Variants in RALGAPA1 observed in about 807,000 individuals in gnomAD.
RALGAPA1 encodes ral GTPase-activating protein subunit alpha-1.
A neutral mutation model predicts 269.6 loss-of-function variants in RALGAPA1; 52 were observed. The ratio of observed to expected loss-of-function variants is 0.19; its 90% CI spans 0.15 to 0.24. RALGAPA1 has a LOEUF of 0.24. RALGAPA1 is among the 10% of genes least tolerant of loss of function. The probability of loss-of-function intolerance (pLI) is 1.00; values close to 1 mark genes in which losing one functional copy is unlikely to be tolerated. For missense variants in RALGAPA1, 1,917 were observed against 3,013.9 expected, an observed-to-expected ratio of 0.64 and a Z score of 8.52; for synonymous variants, 817 against 1,008.3, an observed-to-expected ratio of 0.81 and a Z score of 3.60.
chr14:35,587,723 T>C (rs1199013371), intron 37 of RALGAPA1, among the ~76,000 whole-genome samples: 1 of 84,924 alleles, frequency 1.2e-5, no homozygotes, highest in South Asian at 3.5e-4. Context: ...TGTCGTGGGG[T>C]GGGGGGAAGG....
chr14:35,745,457 A>G (rs2071976020), intron 10 of RALGAPA1, among the ~76,000 whole-genome samples: 1 of 151,122 alleles, frequency 6.6e-6, no homozygotes, highest in Non-Finnish European at 1.5e-5. Flanking sequence ...ACACAGTATT[A>G]TCCAGCCTTT....
chr14:35,674,379 A>G, intron 23 of RALGAPA1, 101 bp from the exon 24 acceptor site: 2 of 1,250,800 alleles, frequency 1.6e-6, no homozygotes, highest in Non-Finnish European at 2.2e-6. Flanking sequence ...CTTACTATTT[A>G]ATTACAATTA....
intron 22 of RALGAPA1, chr14:35,676,915 T>G (rs945403404): frequency 6.6e-6 from 1 of 152,210 alleles, no homozygotes; most frequent in African/African-American, 2.4e-5. Flanking sequence ...ACTGAAGTTT[T>G]TTTCCAAATG....
chr14:35,622,431 T>A (rs1166540729), intron 35 of RALGAPA1, among the ~76,000 whole-genome samples: 2 of 152,186 alleles, frequency 1.3e-5, no homozygotes, highest in Non-Finnish European at 2.9e-5. Flanking sequence ...AGTTGATGGG[T>A]GCAGAAAACC....
At chr14:35,624,154 C>T (rs1348432078) in intron 35 of RALGAPA1, among the ~76,000 whole-genome samples, 4 of 50,526 alleles carry the variant, frequency 7.9e-5, no homozygotes, top group Admixed American at 4.8e-4. Flanking sequence ...TATAATACAA[C>T]GCAAAAAAAA....
At chr14:35,748,066 T>C (rs2072291490) in intron 10 of RALGAPA1, among the ~76,000 whole-genome samples, 1 of 152,066 alleles carries the variant, frequency 6.6e-6, no homozygotes, top group Non-Finnish European at 1.5e-5. Context: ...AATTTTACCA[T>C]AGTTTATTAA....
In RALGAPA1 at chr14:35,634,659, A is replaced by G. The variant is rs1172639113; in HGVS notation, c.5910T>C (p.Phe1970=). The change falls in exon 33 of 42, where the codon TTT becomes TTC. Residue 1970 remains phenylalanine (F), a synonymous_variant. Coordinates refer to ENST00000680220, the MANE Select transcript of RALGAPA1 (RefSeq NM_001346249.2). Reference sequence around the variant, plus strand: ...GCTCTTTCAGACTTTCCAAATGCATAAAAGGATCATAATCTACAGATGCCA... The same window carrying G: ...GCTCTTTCAGACTTTCCAAATGCATGAAAGGATCATAATCTACAGATGCCA... ...SDLASVDYDP[F]MHLESLKEPE... 1 of 1,613,656 alleles carries G rather than the reference A, an allele frequency of 6.2e-7. No homozygotes were observed. Among genetic ancestry groups the G allele is most frequent in the East Asian group, 2.2e-5 (1 of 44,872 alleles).
At chr14:35,788,762 T>G (rs1453524261) in intron 1 of RALGAPA1, among the ~76,000 whole-genome samples, 4 of 152,236 alleles carry the variant, frequency 2.6e-5, no homozygotes. Flanking sequence ...ATATTTTTGT[T>G]TGTTTTTCTC....
chr14:35,577,361 G>A (rs1184733564), intron 37 of RALGAPA1, among the ~76,000 whole-genome samples: 1 of 151,776 alleles, frequency 6.6e-6, no homozygotes, highest in African/African-American at 2.4e-5. Context: ...TATGTTATGC[G>A]GGCTCCTTTA....
chr14:35,664,506 T>C, intron 27 of RALGAPA1, 136 bp downstream of exon 27: 1 of 688,326 alleles, frequency 1.5e-6, no homozygotes, highest in South Asian at 2.6e-5. Context: ...CAAGCCTTTG[T>C]GTCTGGAGGA....
chr14:35,738,590 A>G lies in RALGAPA1; in HGVS notation c.1510T>C (p.Tyr504His), dbSNP rs1417928219. 3 of 1,613,538 alleles carry G rather than the reference A, an allele frequency of 1.9e-6. No individual in the cohort carries two copies. Among genetic ancestry groups the G allele is most frequent in the African/African-American group, 1.3e-5 (1 of 74,916 alleles). The change falls in exon 12 of 42, where the codon TAC becomes CAC. Residue 504 changes from tyrosine (Y) to histidine (H), a missense_variant. Around this residue, in one of 11 missense-constraint regions of RALGAPA1, gnomAD observed 462 missense variants for 725.6 expected, o/e 0.64. Coordinates refer to ENST00000680220, the MANE Select transcript of RALGAPA1 (RefSeq NM_001346249.2). ...GAGGCGTTATGAAGAGCACCTTGGT[A>G]GGAGCCGTTTTTTGCCCAACTGGAA... is the stretch of plus-strand genomic sequence containing the variant. ...RNSSWAKNGS[Y>H]QGALHNASEE...
intron 31 of RALGAPA1, among the ~76,000 whole-genome samples, chr14:35,644,875 T>C (rs559426990): frequency 2.0e-5 from 3 of 152,282 alleles, no homozygotes; most frequent in South Asian, 2.1e-4. Context: ...GTAACAAACC[T>C]GCACATTCTG....
intron 2 of RALGAPA1, 27 bp downstream of exon 2, chr14:35,775,608 A>G: frequency 1.3e-6 from 2 of 1,549,936 alleles, no homozygotes; most frequent in South Asian, 2.5e-5. Flanking sequence ...ATATTAACAT[A>G]CGCCAAGATA....
intron 35 of RALGAPA1, among the ~76,000 whole-genome samples, chr14:35,615,641 T>C (rs1327051055): frequency 6.6e-6 from 1 of 152,112 alleles, no homozygotes; most frequent in Non-Finnish European, 1.5e-5. Context: ...TATAAAAAAA[T>C]GTATGCTGAC....
At chr14:35,643,042 T>C (rs1244231399) in intron 31 of RALGAPA1, among the ~76,000 whole-genome samples, 1 of 152,138 alleles carries the variant, frequency 6.6e-6, no homozygotes, top group African/African-American at 2.4e-5. Flanking sequence ...GGGACATGGA[T>C]AAAGCTGGAA....
intron 9 of RALGAPA1, among the ~76,000 whole-genome samples, chr14:35,750,127 G>T (rs1027581649): frequency 1.3e-5 from 2 of 152,068 alleles, no homozygotes; most frequent in South Asian, 4.1e-4. Flanking sequence ...TGCATTTTGT[G>T]AATGCCCCCA....
chr14:35,652,862 T>C (rs1270110799), intron 30 of RALGAPA1, among the ~76,000 whole-genome samples: 3 of 152,256 alleles, frequency 2.0e-5, no homozygotes, highest in Non-Finnish European at 2.9e-5. Flanking sequence ...TTTAGTCTTA[T>C]TTAATTTTTT....
intron 7 of RALGAPA1, among the ~76,000 whole-genome samples, chr14:35,753,864 T>A (rs886645620): frequency 6.6e-6 from 1 of 152,186 alleles, no homozygotes; most frequent in South Asian, 2.1e-4. Context: ...AGCTGTTTTT[T>A]AAAAATTACC....
intron 35 of RALGAPA1, 65 bp downstream of exon 35, chr14:35,625,296 A>G: frequency 9.9e-7 from 1 of 1,012,492 alleles, no homozygotes; most frequent in Non-Finnish European, 1.5e-6. Flanking sequence ...TATTATTCAC[A>G]GTATTATTCT....
Sources: gnomAD v4.1 joint callset for allele counts (sites outside exome capture counted in the v4.1 genomes callset) on GRCh38, gnomAD v4.1.1 for gene constraint, gnomAD v4.1.1 regional missense constraint, MANE v1.5 for transcripts, NCBI Gene and HGNC (gene_info 2026-07-23, HGNC 2026-07-21) for gene names.